Variants in WLS observed in about 807,000 individuals in gnomAD.
WLS encodes protein wntless homolog.
In WLS, 23 loss-of-function variants were observed where a neutral mutation model predicts 62.8. The ratio of observed to expected loss-of-function variants is 0.37; its 90% CI spans 0.26 to 0.52. The LOEUF is 0.52. Among genes scored for constraint, WLS ranks in the 20% least tolerant of loss-of-function variants. The pLI is 0.92. For missense variants in WLS, 615 were observed against 697.3 expected (o/e 0.88, Z 1.33); for synonymous variants, 246 against 244.1 (o/e 1.01, Z -0.07).
At chr1:68,144,284 C>T (rs7529360) in intron 10 of WLS, among the ~76,000 whole-genome samples, 38,776 of 152,124 alleles carry the variant, frequency 0.25, 5,183 homozygotes, top group East Asian at 0.39. Flanking sequence ...TTGTGCTACA[C>T]GGCTTGATAA....
intron 1 of WLS, among the ~76,000 whole-genome samples, chr1:68,212,791 A>G (rs1178786485): frequency 6.6e-6 from 1 of 152,220 alleles, no homozygotes; most frequent in Non-Finnish European, 1.5e-5. Context: ...TAGGTTACAG[A>G]TGAGACAGTA....
In WLS at chr1:68,232,352, CT is replaced by C; in HGVS notation, c.-54del. ...CTTGAAATAAATGTTTTAGGGTGAG[CT>C]TTTTGCTCCCTCCTCTCACACACTC... On this transcript the variant is annotated 5_prime_UTR_variant, in exon 1 of 12. Coordinates refer to ENST00000262348, the MANE Select transcript of WLS (RefSeq NM_024911.7). 1 of 1,587,366 alleles carries C rather than the reference CT, an allele frequency of 6.3e-7. No homozygotes were observed. Among genetic ancestry groups the C allele is most frequent in the Middle Eastern group, 1.7e-4 (1 of 5,962 alleles).
At position 68,193,398 on chromosome 1, in the gene WLS, TAAAAAAAAAAAAAAAAAAAAAAAAA is replaced by T. The variant is rs904327955; in HGVS notation, c.379+532_379+556del. ...TCAGAGTTTTTAACTGCAAATAAGC[TAAAAAAAAAAAAAAAAAAAAAAAAA>T]AAAAAAAAAAAAAAAAAAACGAAAA... On this transcript the variant is annotated intron_variant, in intron 2 of 11. Transcript: ENST00000262348. Among the ~76,000 whole-genome samples the T allele has an allele frequency of 1.5e-3, 23 of 15,442 alleles. No homozygotes were observed. The South Asian group carries it at 0.053, about 35-fold the overall frequency. 10.1% of individuals were successfully genotyped at this position (15,442 alleles called of 152,430 possible).
chr1:68,155,426 G>C (rs1425143013), intron 3 of WLS, among the ~76,000 whole-genome samples, 166 bp from the exon 4 acceptor site: 2 of 152,140 alleles, frequency 1.3e-5, no homozygotes, highest in African/African-American at 4.8e-5. Context: ...CGTCTACCCA[G>C]CTATCCCAAC....
chr1:68,193,870 T>A, intron 2 of WLS, 85 bp downstream of exon 2: 1 of 1,515,262 alleles, frequency 6.6e-7, no homozygotes, highest in Non-Finnish European at 8.9e-7. Context: ...TTACCATTTT[T>A]ACTTTTATTA....
chr1:68,146,057 G>C (rs1018095622), intron 8 of WLS, 45 bp from the exon 9 acceptor site: 1 of 1,604,260 alleles, frequency 6.2e-7, no homozygotes, highest in Non-Finnish European at 8.5e-7. Flanking sequence ...CCAAGGCCAA[G>C]TTGAGCCGGG....
At chr1:68,149,493 T>C (rs902286570) in intron 6 of WLS, among the ~76,000 whole-genome samples, 9 of 152,314 alleles carry the variant, frequency 5.9e-5, no homozygotes, top group Middle Eastern at 3.4e-3. Context: ...GTTTTCATGA[T>C]TGAGCCATAA....
chr1:68,109,254 C>G (rs189838537), intron 11 of WLS, among the ~76,000 whole-genome samples: 1 of 152,236 alleles, frequency 6.6e-6, no homozygotes. Context: ...AGGTGGGTAA[C>G]CCTCTGGCTC....
chr1:68,171,591 T>G (rs1451323511), intron 2 of WLS, among the ~76,000 whole-genome samples: 1 of 152,058 alleles, frequency 6.6e-6, no homozygotes, highest in African/African-American at 2.4e-5. Context: ...ATCAGAGAAA[T>G]GCAAATCAAA....
intron 1 of WLS, among the ~76,000 whole-genome samples, chr1:68,201,174 C>T (rs999349608): frequency 3.3e-5 from 5 of 152,176 alleles, no homozygotes; most frequent in Admixed American, 3.3e-4. Context: ...GTGGCCAGAT[C>T]ATATTAACTG....
At chr1:68,162,579 C>A in intron 2 of WLS, 1 of 1,517,358 alleles carries the variant, frequency 6.6e-7, no homozygotes, top group Non-Finnish European at 9.1e-7. Flanking sequence ...ATCCCGAGGC[C>A]AACTCGCGGT....
chr1:68,196,455 TTCTC>T (rs1276919274), intron 1 of WLS, among the ~76,000 whole-genome samples: 10 of 152,072 alleles, frequency 6.6e-5, no homozygotes, highest in African/African-American at 2.4e-4. Flanking sequence ...TTTGCAGAAA[TTCTC>T]TCTTATTTAA....
intron 11 of WLS, among the ~76,000 whole-genome samples, chr1:68,126,747 C>A (rs1446806614): frequency 6.6e-6 from 1 of 152,096 alleles, no homozygotes; most frequent in Non-Finnish European, 1.5e-5. Flanking sequence ...GGGAGGTAGG[C>A]AAGGTAATTG....
intron 10 of WLS, 23 bp from the exon 11 acceptor site, chr1:68,137,956 T>G (rs749565374): frequency 6.2e-7 from 1 of 1,612,918 alleles, no homozygotes; most frequent in Non-Finnish European, 8.5e-7. Context: ...GATGGTGATA[T>G]TCAATTGAAA....
At chr1:68,179,212 T>A (rs1250378055) in intron 2 of WLS, among the ~76,000 whole-genome samples, 1 of 152,200 alleles carries the variant, frequency 6.6e-6, no homozygotes, top group Non-Finnish European at 1.5e-5. Flanking sequence ...AGTCATCTAT[T>A]TACAAAACCA....
intron 11 of WLS, among the ~76,000 whole-genome samples, chr1:68,114,675 C>T (rs1401887001): frequency 2.6e-5 from 4 of 152,220 alleles, no homozygotes; most frequent in African/African-American, 9.6e-5. Flanking sequence ...GGAGTGACCA[C>T]TGGTCCCCTT....
chr1:68,147,260 T>G (rs184209839), intron 8 of WLS, among the ~76,000 whole-genome samples: 1 of 152,312 alleles, frequency 6.6e-6, no homozygotes, highest in African/African-American at 2.4e-5. Context: ...GATTTAACAT[T>G]AGAAACATTC....
intron 5 of WLS, among the ~76,000 whole-genome samples, chr1:68,152,299 A>G: frequency 6.6e-6 from 1 of 152,196 alleles, no homozygotes. Context: ...TCATCAGAGA[A>G]TAGATGATTT....
intron 2 of WLS, among the ~76,000 whole-genome samples, chr1:68,188,331 T>C (rs1209417691): frequency 6.6e-6 from 1 of 152,226 alleles, no homozygotes; most frequent in Non-Finnish European, 1.5e-5. Context: ...TCAGTTGCTT[T>C]ATGTTCCTTT....
Sources: allele counts gnomAD v4.1 joint callset (sites outside exome capture counted in the v4.1 genomes callset), GRCh38; gene constraint gnomAD v4.1.1; transcripts MANE v1.5; gene names NCBI Gene and HGNC (gene_info 2026-07-23, HGNC 2026-07-21).